Variants in LRPPRC observed in about 807,000 individuals in gnomAD.
The protein encoded by LRPPRC is leucine-rich PPR motif-containing protein, mitochondrial.
LRPPRC carries 120 observed loss-of-function variants against 180.3 expected under a neutral mutation model. The observed-to-expected ratio is 0.67, with a 90% CI of 0.57 to 0.77. The LOEUF (loss-of-function observed/expected upper bound fraction) is 0.77. Among genes scored for constraint, LRPPRC ranks in the 30% least tolerant of loss-of-function variants. The pLI is 0.00. For missense variants in LRPPRC, 2,012 were observed against 1,657.2 expected, an observed-to-expected ratio of 1.21 and a Z score of -3.72; for synonymous variants, 723 against 600.0, an observed-to-expected ratio of 1.21 and a Z score of -3.00.
chr2:43,923,034 A>C (rs1671752261), intron 27 of LRPPRC, among the ~76,000 whole-genome samples: 2 of 152,166 alleles, frequency 1.3e-5, no homozygotes, highest in Non-Finnish European at 1.5e-5. Context: ...CTCAAATACA[A>C]CGCAAGAAGG....
intron 29 of LRPPRC, among the ~76,000 whole-genome samples, chr2:43,915,228 TCTCTCACACACACACACACACACACA>T (rs1438892197): frequency 0.022 from 1,367 of 63,254 alleles, 28 homozygotes; most frequent in African/African-American, 0.12. Context: ...TCTCTCTCTC[TCTCTCACACACACACACACACACACA>T]CACACACACA....
At chr2:43,912,268 G>T (rs2105012784) in intron 30 of LRPPRC, among the ~76,000 whole-genome samples, 164 bp downstream of exon 30, 1 of 152,070 alleles carries the variant, frequency 6.6e-6, no homozygotes, top group South Asian at 2.1e-4. Flanking sequence ...TTTTGAAGGT[G>T]AAAAAACCTG....
rs140508221 is a variant in LRPPRC at position 43,971,098 on chromosome 2, CA to C, written c.1369+2508del. Among the ~76,000 whole-genome samples the C allele has an allele frequency of 5.0e-3, 635 of 126,098 alleles. 2 individuals carry two copies. Among genetic ancestry groups the C allele is most frequent in the African/African-American group, 6.2e-3 (220 of 35,764 alleles). The allele number at this position is 126,098 out of a possible 152,430, so 82.7% of individuals were successfully genotyped here. On this transcript the variant is annotated intron_variant, in intron 11 of 37. Transcript: ENST00000260665. The stretch of plus-strand genomic sequence containing the variant: ...CTAGACAACAAGAGCGAAACTGTGT[CA>C]AAAAAAAAAAAAAAGCAAGTTCCTT...
At chr2:43,935,512 T>C (rs1433451243) in intron 23 of LRPPRC, among the ~76,000 whole-genome samples, 5 of 152,360 alleles carry the variant, frequency 3.3e-5, no homozygotes, top group South Asian at 2.1e-4. Flanking sequence ...TAAATACTTT[T>C]TTCATTAAAG....
intron 13 of LRPPRC, chr2:43,959,061 A>C: frequency 1.8e-6 from 1 of 563,544 alleles, no homozygotes; most frequent in South Asian, 2.6e-5. Flanking sequence ...AAAAGCATCT[A>C]GTTTCCTTAG....
chr2:43,907,293 T>C (rs933760621), intron 30 of LRPPRC, among the ~76,000 whole-genome samples: 16 of 152,306 alleles, frequency 1.1e-4, no homozygotes, highest in African/African-American at 3.1e-4. Flanking sequence ...TATAATAATA[T>C]ATCCTACATA....
intron 1 of LRPPRC, among the ~76,000 whole-genome samples, chr2:43,983,089 C>T (rs1409412599): frequency 1.3e-5 from 2 of 151,590 alleles, no homozygotes; most frequent in Non-Finnish European, 2.9e-5. Flanking sequence ...CAACTGCCAC[C>T]AAAAATAAAT....
At chr2:43,983,809 T>C (rs1350809921) in intron 1 of LRPPRC, among the ~76,000 whole-genome samples, 1 of 152,176 alleles carries the variant, frequency 6.6e-6, no homozygotes, top group Non-Finnish European at 1.5e-5. Flanking sequence ...GAAACTATAC[T>C]AGAGGTTTCA....
chr2:43,896,805 A>G, intron 34 of LRPPRC, 97 bp from the exon 35 acceptor site: 1 of 788,668 alleles, frequency 1.3e-6, no homozygotes, highest in Non-Finnish European at 2.3e-6. Flanking sequence ...ATAATACAGT[A>G]GTGTATTATT....
intron 11 of LRPPRC, among the ~76,000 whole-genome samples, chr2:43,966,582 G>C (rs746659736): frequency 6.6e-6 from 1 of 151,450 alleles, no homozygotes; most frequent in African/African-American, 2.4e-5. Context: ...AGTAATTTTT[G>C]TATTTTTACC....
chr2:43,918,219 CA>C, intron 28 of LRPPRC, 36 bp downstream of exon 28: 1 of 1,607,884 alleles, frequency 6.2e-7, no homozygotes, highest in Non-Finnish European at 8.5e-7. Flanking sequence ...ATTATACTGA[CA>C]ACAAAATCTG....
chr2:43,918,091 C>G lies in LRPPRC; in HGVS notation c.3082G>C (p.Ala1028Pro), dbSNP rs1245006613. The change falls in exon 29 of 38, where the codon GCC becomes CCC. Residue 1028 changes from alanine to proline, a missense_variant. Ala to Pro is a conservative substitution (Grantham distance 27, BLOSUM62 -1). Coordinates refer to ENST00000260665, the MANE Select transcript of LRPPRC (RefSeq NM_133259.4). ...TGGAAATCAGGTTCTGTGGTTGAGGCTGACGAAGAATTCAGGGAATGTTTT... is the reference window on the plus strand; with the variant it reads ...TGGAAATCAGGTTCTGTGGTTGAGGGTGACGAAGAATTCAGGGAATGTTTT... ...DEKHSLNSSS[A>P]STTEPDFQKD... 3.1e-6 allele frequency: 5 copies of G among 1,613,252 alleles called. No homozygotes were observed. Among genetic ancestry groups the G allele is most frequent in the Non-Finnish European group, 4.2e-6 (5 of 1,179,776 alleles).
At chr2:43,897,832 T>G (rs536238122) in intron 34 of LRPPRC, among the ~76,000 whole-genome samples, 2 of 152,270 alleles carry the variant, frequency 1.3e-5, no homozygotes, top group East Asian at 3.9e-4. Flanking sequence ...GTAGATGAAG[T>G]ACCAAGTGCC....
intron 1 of LRPPRC, among the ~76,000 whole-genome samples, chr2:43,988,617 TTTTG>T (rs1020118678): frequency 1.5e-4 from 23 of 152,192 alleles, no homozygotes; most frequent in South Asian, 8.3e-4. Flanking sequence ...GCCTCTGAGT[TTTTG>T]TTTGTTTGTT....
chr2:43,957,615 T>C (rs1350958544), intron 13 of LRPPRC, among the ~76,000 whole-genome samples, 164 bp from the exon 14 acceptor site: 1 of 152,250 alleles, frequency 6.6e-6, no homozygotes, highest in Non-Finnish European at 1.5e-5. Context: ...AATGCAGTAA[T>C]ATATATCTGC....
chr2:43,947,619 T>TA, intron 19 of LRPPRC, 112 bp downstream of exon 19: 1 of 757,632 alleles, frequency 1.3e-6, no homozygotes. Context: ...TTCTTAGAGG[T>TA]ATACAAGATG....
intron 2 of LRPPRC, among the ~76,000 whole-genome samples, chr2:43,980,574 G>A (rs199608488): frequency 1.1e-4 from 11 of 104,650 alleles, no homozygotes; most frequent in South Asian, 2.7e-4. Flanking sequence ...AAAAAAAGAA[G>A]AAAGAAAGAA....
rs2103746008 is a variant in LRPPRC at position 43,982,412 on chromosome 2, G to A, written c.172C>T (p.Leu58=). The A allele has an allele frequency of 3.1e-6, 5 of 1,613,520 alleles. No individual in the cohort carries two copies. Among genetic ancestry groups the A allele is most frequent in the Non-Finnish European group, 4.2e-6 (5 of 1,179,466 alleles). The change falls in exon 2 of 38, where the codon CTG becomes TTG. Residue 58 remains leucine, a synonymous_variant. Coordinates refer to ENST00000260665, the MANE Select transcript of LRPPRC (RefSeq NM_133259.4). ...VAGGLLSPAR[L]YAIAAKEKDI... ...TTTTCTTTGGCAGCAATGGCATACA[G>A]CCTGGCTGGGCTCAGTAGTCCTCTA...
At chr2:43,964,256 G>T (rs887188446) in intron 11 of LRPPRC, among the ~76,000 whole-genome samples, 1 of 143,542 alleles carries the variant, frequency 7.0e-6, no homozygotes, top group African/African-American at 2.8e-5. Flanking sequence ...AATCAAATAA[G>T]TTGTTTCCTC....
Sources: gnomAD v4.1 joint callset for allele counts (sites outside exome capture counted in the v4.1 genomes callset) on GRCh38, gnomAD v4.1.1 for gene constraint, MANE v1.5 for transcripts, NCBI Gene and HGNC (gene_info 2026-07-23, HGNC 2026-07-21) for gene names.